HNMT: variants seen among roughly 807,000 people sequenced by gnomAD.
HNMT encodes the protein histamine N-methyltransferase.
In HNMT, 30 loss-of-function variants were observed where a neutral mutation model predicts 32.1. The observed-to-expected ratio is 0.93, with a 90% CI of 0.70 to 1.27. HNMT has a LOEUF of 1.27. Ranked by LOEUF, HNMT falls within the 50% of genes most tolerant of loss-of-function variation. HNMT has a pLI of 0.00. For missense variants in HNMT, 327 were observed against 346.0 expected (o/e 0.95, Z 0.43); for synonymous variants, 125 against 119.0 (o/e 1.05, Z -0.33).
intron 2 of HNMT, among the ~76,000 whole-genome samples, chr2:137,975,824 C>T (rs577741834): frequency 2.9e-4 from 44 of 152,280 alleles, no homozygotes; most frequent in African/African-American, 9.1e-4. Context: ...TGAGAAAATA[C>T]AGGGAATTGA....
In HNMT at chr2:138,015,208, A is replaced by C. The variant is rs2104997426; in HGVS notation, c.*1078A>C. On this transcript the variant is annotated 3_prime_UTR_variant, in exon 6 of 6. Coordinates refer to ENST00000280097, the MANE Select transcript of HNMT (RefSeq NM_006895.3). ...TTGATGTTTCTTATTTTTAATAATA[A>C]CGCTCTGTTATTTTTGACATAAACA... The C allele has an allele frequency of 6.6e-6, 1 of 152,200 alleles. No homozygotes were observed. Among genetic ancestry groups the C allele is most frequent in the South Asian group, 2.1e-4 (1 of 4,828 alleles). The allele number at this position is 152,200 out of a possible 1,614,324, so 9.4% of individuals were successfully genotyped here.
chr2:137,968,975 G>A (rs1268241276), intron 1 of HNMT, among the ~76,000 whole-genome samples: 3 of 152,114 alleles, frequency 2.0e-5, no homozygotes, highest in African/African-American at 7.2e-5. Flanking sequence ...ACAGACTCTA[G>A]ATCTGCTTCC....
intron 1 of HNMT, among the ~76,000 whole-genome samples, chr2:137,966,003 G>A (rs190267278): frequency 9.2e-5 from 14 of 152,288 alleles, no homozygotes; most frequent in African/African-American, 3.4e-4. Context: ...TATATAGTTA[G>A]GAATGATCAG....
intron 2 of HNMT, among the ~76,000 whole-genome samples, chr2:137,990,840 C>T (rs1190157559): frequency 6.6e-6 from 1 of 151,968 alleles, no homozygotes; most frequent in Non-Finnish European, 1.5e-5. Context: ...CAACACCAAG[C>T]AGCAGATACT....
chr2:137,981,479 C>G, intron 2 of HNMT: 1 of 971,996 alleles, frequency 1.0e-6, no homozygotes, highest in Non-Finnish European at 1.6e-6. Flanking sequence ...GCAGCTTCCC[C>G]TTTCTTTGTT....
chr2:137,974,224 T>C (rs184992878), intron 2 of HNMT, among the ~76,000 whole-genome samples: 62 of 152,270 alleles, frequency 4.1e-4, no homozygotes, highest in African/African-American at 1.4e-3. Context: ...GTATATGAGT[T>C]TGTGTGCTTT....
intron 1 of HNMT, among the ~76,000 whole-genome samples, chr2:137,965,647 A>G (rs1019546982): frequency 1.4e-4 from 22 of 152,224 alleles, no homozygotes. Context: ...ATAAGGATGC[A>G]AACATCAAAG....
intron 5 of HNMT, among the ~76,000 whole-genome samples, chr2:138,011,035 C>T (rs2198652): frequency 0.31 from 47,044 of 151,526 alleles, 8,650 homozygotes; most frequent in African/African-American, 0.51. Flanking sequence ...ATCTGGCTTA[C>T]ATCATGTTGA....
chr2:137,966,738 C>T (rs1679969361), intron 1 of HNMT, among the ~76,000 whole-genome samples: 2 of 146,996 alleles, frequency 1.4e-5, no homozygotes, highest in Admixed American at 7.1e-5. Flanking sequence ...TATTTTACCC[C>T]AAGGGAACAA....
chr2:138,009,473 A>T (rs1343850500), intron 5 of HNMT, among the ~76,000 whole-genome samples: 1 of 152,010 alleles, frequency 6.6e-6, no homozygotes, highest in African/African-American at 2.4e-5. Flanking sequence ...TAACAACAAC[A>T]CATTTCCCTG....
At chr2:137,995,905 GA>G (rs35543108) in intron 2 of HNMT, among the ~76,000 whole-genome samples, 1 of 151,882 alleles carries the variant, frequency 6.6e-6, no homozygotes, top group Non-Finnish European at 1.5e-5. Flanking sequence ...TAAACAGACC[GA>G]AAGACAAAAA....
chr2:137,978,902 C>T (rs1302649505), intron 2 of HNMT, among the ~76,000 whole-genome samples: 1 of 138,546 alleles, frequency 7.2e-6, no homozygotes, highest in Non-Finnish European at 1.5e-5. Flanking sequence ...AAAGTATACT[C>T]CATATTACAT....
intron 1 of HNMT, 89 bp downstream of exon 1, chr2:137,964,717 G>GAGCGA: frequency 1.5e-6 from 2 of 1,363,666 alleles, no homozygotes; most frequent in Non-Finnish European, 1.0e-6. Context: ...CTCGCAGGCT[G>GAGCGA]GGCACAGGGA....
In HNMT at chr2:137,996,157, G is replaced by C. The variant is rs566484565; in HGVS notation, c.191-4761G>C. 7.9e-5 allele frequency among the ~76,000 whole-genome samples: 12 copies of C among 152,300 alleles called. No homozygotes were observed. The East Asian group carries it at 2.3e-3, about 29-fold the overall frequency. ...ACCACTCCTATTCAACATAGTATTG[G>C]AAGTTCTTGCCAGGGCAATCAAGCA... On this transcript the variant is annotated intron_variant, in intron 2 of 5. Transcript: ENST00000280097.
At chr2:138,010,181 T>C (rs531760184) in intron 5 of HNMT, among the ~76,000 whole-genome samples, 66 of 152,122 alleles carry the variant, frequency 4.3e-4, no homozygotes, top group African/African-American at 1.6e-3. Flanking sequence ...ATAGGGACAT[T>C]CATCTCTGTT....
intron 2 of HNMT, among the ~76,000 whole-genome samples, chr2:137,997,162 C>T (rs1019344702): frequency 2.0e-5 from 3 of 152,056 alleles, no homozygotes; most frequent in Admixed American, 1.3e-4. Flanking sequence ...CAAAAGCCAA[C>T]ATTTACAAAT....
chr2:137,981,520 A>T (rs2104944240), intron 2 of HNMT: 1 of 695,972 alleles, frequency 1.4e-6, no homozygotes, highest in East Asian at 2.5e-5. Flanking sequence ...ACTTCCCACC[A>T]TCCGTAAAAT....
intron 2 of HNMT, among the ~76,000 whole-genome samples, chr2:137,978,188 A>G (rs1163029033): frequency 6.6e-6 from 1 of 151,796 alleles, no homozygotes; most frequent in East Asian, 1.9e-4. Flanking sequence ...TTTATGGCTC[A>G]TTTTCAGTCT....
intron 1 of HNMT, among the ~76,000 whole-genome samples, chr2:137,965,086 T>C (rs1386121099): frequency 6.6e-6 from 1 of 152,194 alleles, no homozygotes; most frequent in African/African-American, 2.4e-5. Context: ...TAATATCCAT[T>C]TAAATTAATT....
Sources: gnomAD v4.1 joint callset for allele counts (sites outside exome capture counted in the v4.1 genomes callset) on GRCh38, gnomAD v4.1.1 for gene constraint, MANE v1.5 for transcripts, NCBI Gene and HGNC (gene_info 2026-07-23, HGNC 2026-07-21) for gene names.